The following PAGE2 variants were observed in gnomAD, a reference collection of about 807,000 sequenced individuals.
PAGE2 encodes PAGE family member 2.
A neutral mutation model predicts 7.5 loss-of-function variants in PAGE2; 6 were observed. The observed-to-expected ratio is 0.80, with a 90% CI of 0.44 to 1.57. The LOEUF is 1.57. Among genes scored for constraint, PAGE2 ranks in the 40% most tolerant of loss-of-function variants. The probability of loss-of-function intolerance (pLI) is 0.01; values close to 1 mark genes in which losing one functional copy is unlikely to be tolerated. For synonymous variants in PAGE2, 22 were observed against 25.4 expected (o/e 0.87, Z 0.41); for missense variants, 72 against 76.4 (o/e 0.94, Z 0.21).
At chrX:55,090,346 C>T (rs1314699382) in intron 2 of PAGE2, among the ~76,000 whole-genome samples, 156 bp from the exon 3 acceptor site, 3 of 109,324 alleles carry the variant, frequency 2.7e-5, no homozygotes, top group East Asian at 5.6e-4. Flanking sequence ...ATCTATCTAT[C>T]TATCTATCTA....
rs761096451 is a variant in PAGE2 at position 55,091,401 on chromosome X, C to G, written c.263C>G (p.Pro88Arg). ...ATAGAGGATGAGCCTGGAGATGGTC[C>G]TGATGTCAGGGAGGGTATTATGCCC... is the stretch of plus-strand genomic sequence containing the variant. ...LKIEDEPGDG[P>R]DVREGIMPTF... The change falls in exon 4 of 5, where the codon CCT becomes CGT. Residue 88 changes from proline to arginine, a missense_variant. Transcript: ENST00000374968. The G allele has an allele frequency of 5.8e-6, 7 of 1,206,713 alleles. No individual in the cohort carries two copies. Among genetic ancestry groups the G allele is most frequent in the Non-Finnish European group, 7.8e-6 (7 of 894,300 alleles).
rs772871510 is a variant in PAGE2, at chrX:55,090,614, A to C, written c.193+4A>C. ...CAAGCAGTGCCTGCTTTTCAAGGTGAAGGGAGAGTGGAAAATAATGCTTAT... is the reference window on the plus strand; with the variant it reads ...CAAGCAGTGCCTGCTTTTCAAGGTGCAGGGAGAGTGGAAAATAATGCTTAT... On this transcript the variant is annotated splice_donor_region_variant and intron_variant, in intron 3 of 4. Transcript: ENST00000374968. 2.8e-5 allele frequency: 33 copies of C among 1,195,059 alleles called. No homozygotes were observed. The South Asian group carries it at 6.0e-4, about 22-fold the overall frequency.
At position 55,090,078 on chromosome X, in the gene PAGE2, T is replaced by C; in HGVS notation, c.58T>C (p.Ser20Pro). Residue 20 changes from serine (S) to proline (P), a missense_variant, in exon 2 of 5, where the codon TCT becomes CCT. Physicochemically the swap from Ser to Pro is moderately conservative, Grantham distance 74. Transcript: ENST00000374968. Reference sequence around the variant, plus strand: ...CTCAGAAAGAGGAAATGACCAAGAGTCTTCCCAGCCGGTTGGATCTGTGAT... The same window carrying C: ...CTCAGAAAGAGGAAATGACCAAGAGCCTTCCCAGCCGGTTGGATCTGTGAT... ...QSSERGNDQE[S>P]SQPVGSVIVQ... is the part of the protein sequence containing the mutation. 1 of 1,203,757 alleles carries C rather than the reference T, an allele frequency of 8.3e-7. No homozygotes were observed. Among genetic ancestry groups the C allele is most frequent in the South Asian group, 1.8e-5 (1 of 56,576 alleles).
chrX:55,090,181 TG>T, intron 2 of PAGE2, 77 bp downstream of exon 2: 1 of 960,843 alleles, frequency 1.0e-6, no homozygotes, highest in East Asian at 3.3e-5. Flanking sequence ...ATACATACAC[TG>T]ATACAGGTGT....
chrX:55,089,957 A>G, intron 1 of PAGE2, 56 bp from the exon 2 acceptor site: 1 of 915,820 alleles, frequency 1.1e-6, no homozygotes, highest in East Asian at 3.2e-5. Context: ...TGGAATGTTC[A>G]TATATATAAC....
At chrX:55,092,006 T>C (rs1936659908) in intron 4 of PAGE2, among the ~76,000 whole-genome samples, 1 of 15,721 alleles carries the variant, frequency 6.4e-5, no homozygotes, top group Non-Finnish European at 1.3e-4. Flanking sequence ...AGAGGCCTGT[T>C]TTTAACAAAT....
chrX:55,089,599 G>A (rs1936635766), intron 1 of PAGE2, among the ~76,000 whole-genome samples: 1 of 109,152 alleles, frequency 9.2e-6, no homozygotes, highest in Admixed American at 9.6e-5. Flanking sequence ...TCATAGGAAG[G>A]AATGGGCGAG....
Position 55,090,306 on chromosome X carries a change from C to G in PAGE2, c.85-196C>G, listed in dbSNP as rs746467649. Among the ~76,000 whole-genome samples, 54 of 101,104 alleles carry G rather than the reference C, an allele frequency of 5.3e-4. 3 individuals carry two copies. Among genetic ancestry groups the G allele is most frequent in the African/African-American group, 2.1e-3 (53 of 25,473 alleles). 87.8% of individuals were successfully genotyped at this position (101,104 alleles called of 115,157 possible). A position where few individuals can be genotyped will look rare whatever the true frequency, so the allele number is the denominator to read the frequency against. On this transcript the variant is annotated intron_variant, in intron 2 of 4. Coordinates refer to ENST00000374968, the MANE Select transcript of PAGE2 (RefSeq NM_207339.4). ...GATATTTCTCTCTCTCTCTCTATCT[C>G]TATGTATGTATCTGTCTGTCTGTCT... is the stretch of plus-strand genomic sequence containing the variant.
At chrX:55,090,360 A>C in intron 2 of PAGE2, 142 bp from the exon 3 acceptor site, 1 of 596,456 alleles carries the variant, frequency 1.7e-6, no homozygotes, top group Non-Finnish European at 2.6e-6. Context: ...CTATCTATCT[A>C]TCTATCATCT....
rs4014657 is a variant in PAGE2, at chrX:55,091,705, A to C, written c.319+248A>C. Among the ~76,000 whole-genome samples the C allele has an allele frequency of 1.4e-4, 11 of 80,732 alleles. 1 individual carries two copies. Among genetic ancestry groups the C allele is most frequent in the Non-Finnish European group, 2.7e-4 (10 of 36,547 alleles). 70.1% of individuals were successfully genotyped at this position (80,732 alleles called of 115,157 possible). On this transcript the variant is annotated intron_variant, in intron 4 of 4. Transcript: ENST00000374968. Reference sequence around the variant, plus strand: ...AAGGATCACTTGAGGCCAAGACTTCAAGAGACAGAGAAAAATTGGGTCAAA... The same window carrying C: ...AAGGATCACTTGAGGCCAAGACTTCCAGAGACAGAGAAAAATTGGGTCAAA...
rs1936629501 is a variant in PAGE2, at chrX:55,089,053, C to A, written c.-59C>A. ...AGAGGTCTGCAAGGAGAGAGAGTGTCTTCATTCTTTCCGCCATCTTGATTC... is the reference window on the plus strand; with the variant it reads ...AGAGGTCTGCAAGGAGAGAGAGTGTATTCATTCTTTCCGCCATCTTGATTC... On this transcript the variant is annotated 5_prime_UTR_variant, in exon 1 of 5. Transcript: ENST00000374968. The A allele has an allele frequency of 8.9e-6, 1 of 111,749 alleles. No individual in the cohort carries two copies. The highest frequency in any genetic ancestry group is 1.9e-5 in the Non-Finnish European group (1 of 53,317). 9.2% of individuals were successfully genotyped at this position (111,749 alleles called of 1,213,427 possible). A position where few individuals can be genotyped will look rare whatever the true frequency, so the allele number is the denominator to read the frequency against.
rs75478624 is a variant in PAGE2, at chrX:55,090,742, G to A, written c.193+132G>A. ...CTTAAACATTTCCTACTGCTGCTGT[G>A]TGGAGGGGTGGGACAAGGATGCATA... On this transcript the variant is annotated intron_variant, in intron 3 of 4. Coordinates refer to ENST00000374968, the MANE Select transcript of PAGE2 (RefSeq NM_207339.4). 190 of 550,606 alleles carry A rather than the reference G, an allele frequency of 3.5e-4. 2 individuals are homozygous for A. In the South Asian group the frequency reaches 6.6e-3, roughly 19 times the overall value. The allele number at this position is 550,606 out of a possible 1,213,427, so 45.4% of individuals were successfully genotyped here. A position where few individuals can be genotyped will look rare whatever the true frequency, so the allele number is the denominator to read the frequency against.
At chrX:55,090,328 G>GTCTGTCTATCTATCTA (rs1557255255) in intron 2 of PAGE2, among the ~76,000 whole-genome samples, 174 bp from the exon 3 acceptor site, 1 of 102,029 alleles carries the variant, frequency 9.8e-6, no homozygotes, top group Non-Finnish European at 1.9e-5. Context: ...CTGTCTGTCT[G>GTCTGTCTATCTATCTA]TCTATCTATC....
chrX:55,090,105 G>A lies in PAGE2; in HGVS notation c.84+1G>A. The A allele has an allele frequency of 8.4e-7, 1 of 1,195,144 alleles. No homozygotes were observed. Among genetic ancestry groups the A allele is most frequent in the Non-Finnish European group, 1.1e-6 (1 of 883,495 alleles). On this transcript the variant is annotated splice_donor_variant, in intron 2 of 4. Transcript: ENST00000374968. LOFTEE classifies it high-confidence loss of function. ...TTCCCAGCCGGTTGGATCTGTGATT[G>A]TGAGTCTTTTAACATTTGATGTTTT...
intron 2 of PAGE2, among the ~76,000 whole-genome samples, 193 bp from the exon 3 acceptor site, chrX:55,090,309 T>G (rs111843324): frequency 6.1e-5 from 6 of 97,970 alleles, no homozygotes; most frequent in South Asian, 4.6e-4. Context: ...TCTATCTCTA[T>G]GTATGTATCT....
intron 2 of PAGE2, 93 bp downstream of exon 2, chrX:55,090,197 T>C: frequency 1.1e-6 from 1 of 918,822 alleles, no homozygotes; most frequent in Admixed American, 3.1e-5. Context: ...AGGTGTTCCA[T>C]GCTGATAAAA....
Position 55,091,370 on chromosome X carries a change from C to T in PAGE2, c.232C>T (p.Leu78Phe), listed in dbSNP as rs1936654293. The T allele has an allele frequency of 5.0e-6, 6 of 1,207,402 alleles. No homozygotes were observed. Among genetic ancestry groups the T allele is most frequent in the Non-Finnish European group, 6.7e-6 (6 of 894,439 alleles). ...MEAFQQELAL[L>F]KIEDEPGDGP... ...AGCTTTTCAACAGGAACTGGCTCTG[C>T]TTAAGATAGAGGATGAGCCTGGAGA... Residue 78 changes from leucine (L) to phenylalanine (F), a missense_variant, in exon 4 of 5, where the codon CTT becomes TTT. Coordinates refer to ENST00000374968, the MANE Select transcript of PAGE2 (RefSeq NM_207339.4).
In PAGE2 at chrX:55,090,067, A is replaced by G. The variant is rs1936640288; in HGVS notation, c.47A>G (p.Asn16Ser). ...RARSQSSERG[N>S]DQESSQPVGS... ...AGATCCCAATCCTCAGAAAGAGGAA[A>G]TGACCAAGAGTCTTCCCAGCCGGTT... The change falls in exon 2 of 5, where the codon AAT becomes AGT. Residue 16 changes from asparagine (N) to serine (S), a missense_variant. Transcript: ENST00000374968. 3.3e-6 allele frequency: 4 copies of G among 1,203,767 alleles called. No individual in the cohort carries two copies. Among genetic ancestry groups the G allele is most frequent in the Non-Finnish European group, 4.5e-6 (4 of 891,342 alleles).
chrX:55,090,149 T>C, intron 2 of PAGE2, 45 bp downstream of exon 2: 1 of 1,122,346 alleles, frequency 8.9e-7, no homozygotes, highest in Non-Finnish European at 1.2e-6. Context: ...ACAATTTATT[T>C]TAAAAATATT....
Sources: allele counts gnomAD v4.1 joint callset (sites outside exome capture counted in the v4.1 genomes callset), GRCh38; gene constraint gnomAD v4.1.1; transcripts MANE v1.5; gene names NCBI Gene and HGNC (gene_info 2026-07-23, HGNC 2026-07-21).